CAPZA2: variants seen among roughly 807,000 people sequenced by gnomAD.
The protein encoded by CAPZA2 is capping actin protein of muscle Z-line subunit alpha 2.
A neutral mutation model predicts 44.0 loss-of-function variants in CAPZA2; 13 were observed. The observed-to-expected ratio is 0.30, with a 90% CI of 0.19 to 0.47. The LOEUF is 0.47. CAPZA2 is among the 20% of genes least tolerant of loss of function. The pLI is 1.00. For missense variants in CAPZA2, 244 were observed against 338.6 expected (o/e 0.72, Z 2.19); for synonymous variants, 94 against 108.2 (o/e 0.87, Z 0.81).
intron 1 of CAPZA2, among the ~76,000 whole-genome samples, chr7:116,887,476 C>T (rs1796777629): frequency 6.7e-6 from 1 of 148,950 alleles, no homozygotes; most frequent in Non-Finnish European, 1.5e-5. Flanking sequence ...TGCAGTGAGC[C>T]AAGATCACAC....
intron 9 of CAPZA2, among the ~76,000 whole-genome samples, chr7:116,916,482 G>A (rs1203631908): frequency 6.6e-6 from 1 of 152,212 alleles, no homozygotes; most frequent in African/African-American, 2.4e-5. Context: ...AATTAGCTGT[G>A]TGTGGTGGCA....
In CAPZA2 at chr7:116,920,170, GGGAGGT is replaced by G. The variant is rs906990811; in HGVS notation, c.*2310_*2315del. 2.6e-5 allele frequency: 4 copies of G among 151,832 alleles called. No homozygotes were observed. Among genetic ancestry groups the G allele is most frequent in the African/African-American group, 9.7e-5 (4 of 41,298 alleles). The allele number at this position is 151,832 out of a possible 1,614,324, so 9.4% of individuals were successfully genotyped here. On this transcript the variant is annotated 3_prime_UTR_variant, in exon 10 of 10. Coordinates refer to ENST00000361183, the MANE Select transcript of CAPZA2 (RefSeq NM_006136.3). ...TGAGACAGGAGAATCATTTGAACCC[GGGAGGT>G]GGAGGTTGCAGTGAGCAGAGATCGA...
chr7:116,880,490 C>G (rs1452649074), intron 1 of CAPZA2, among the ~76,000 whole-genome samples: 3 of 151,308 alleles, frequency 2.0e-5, no homozygotes, highest in Non-Finnish European at 2.9e-5. Flanking sequence ...CTCTGCCTCC[C>G]GGATTCAAGC....
chr7:116,891,933 C>A (rs962713900), intron 2 of CAPZA2, among the ~76,000 whole-genome samples: 5 of 152,116 alleles, frequency 3.3e-5, no homozygotes, highest in Non-Finnish European at 7.4e-5. Context: ...TGTAAACTTT[C>A]CAAAGTACAA....
At chr7:116,899,831 A>G (rs1796972926) in intron 4 of CAPZA2, among the ~76,000 whole-genome samples, 1 of 151,726 alleles carries the variant, frequency 6.6e-6, no homozygotes, top group African/African-American at 2.4e-5. Context: ...TGTAATTTTA[A>G]TATTAAATAT....
rs571819876 is a variant in CAPZA2 at position 116,866,809 on chromosome 7, A to G, written c.39+4159A>G. On this transcript the variant is annotated intron_variant, in intron 1 of 9. Transcript: ENST00000361183. ...AGCTGTAGCACTAACTTCTTTCCTG[A>G]TTACTGGTCAGATTTTTATCTGCTA... 1.1e-4 allele frequency among the ~76,000 whole-genome samples: 16 copies of G among 152,178 alleles called. No homozygotes were observed. The East Asian group carries it at 2.9e-3, about 28-fold the overall frequency.
At chr7:116,902,120 A>G (rs1169091913) in intron 4 of CAPZA2, among the ~76,000 whole-genome samples, 2 of 152,150 alleles carry the variant, frequency 1.3e-5, no homozygotes, top group African/African-American at 4.8e-5. Flanking sequence ...AGATATTGGC[A>G]TAACTGGTTT....
intron 1 of CAPZA2, among the ~76,000 whole-genome samples, chr7:116,879,144 A>G (rs1018945830): frequency 2.7e-5 from 4 of 150,884 alleles, no homozygotes; most frequent in Non-Finnish European, 4.4e-5. Context: ...AAAAAAAAAA[A>G]AAAAAGAAAA....
intron 1 of CAPZA2, among the ~76,000 whole-genome samples, chr7:116,880,355 A>G (rs1428114143): frequency 5.3e-5 from 8 of 152,116 alleles, no homozygotes; most frequent in Non-Finnish European, 8.8e-5. Context: ...TTTTAAGGGG[A>G]TGATGGCTCA....
chr7:116,894,130 G>A (rs149521175), intron 3 of CAPZA2, among the ~76,000 whole-genome samples: 5,098 of 152,252 alleles, frequency 0.033, 109 homozygotes, highest in Non-Finnish European at 0.052. Context: ...TTGGGAGGCC[G>A]AGGCAGGCGG....
chr7:116,892,044 C>T (rs1031691506), intron 2 of CAPZA2, among the ~76,000 whole-genome samples: 1 of 152,126 alleles, frequency 6.6e-6, no homozygotes, highest in African/African-American at 2.4e-5. Flanking sequence ...TTTAACAATA[C>T]ATAAATATGA....
chr7:116,912,799 A>G (rs1791615387), intron 8 of CAPZA2, among the ~76,000 whole-genome samples: 1 of 152,066 alleles, frequency 6.6e-6, no homozygotes, highest in Admixed American at 6.6e-5. Flanking sequence ...GTAGCTTTTT[A>G]AATTTATTTT....
rs201926723 is a variant in CAPZA2, at chr7:116,865,174, C to CTTTTTT, written c.39+2526_39+2527insTTTTTT. 1.5e-4 allele frequency among the ~76,000 whole-genome samples: 18 copies of CTTTTTT among 122,082 alleles called. 4 individuals carry two copies. The highest frequency in any genetic ancestry group is 5.0e-4 in the African/African-American group (15 of 30,000). 80.1% of individuals were successfully genotyped at this position (122,082 alleles called of 152,430 possible). On this transcript the variant is annotated intron_variant, in intron 1 of 9. Coordinates refer to ENST00000361183, the MANE Select transcript of CAPZA2 (RefSeq NM_006136.3). Reference sequence around the variant, plus strand: ...ATGTTCTTGTGACATTATGCGCTCTCTTCTTTTTTTTTTTTTTTTTTTTTT... The same window carrying CTTTTTT: ...ATGTTCTTGTGACATTATGCGCTCTCTTTTTTTTCTTTTTTTTTTTTTTTTTTTTTT...
chr7:116,865,021 G>A (rs976992657), intron 1 of CAPZA2, among the ~76,000 whole-genome samples: 1 of 152,000 alleles, frequency 6.6e-6, no homozygotes, highest in Admixed American at 6.6e-5. Flanking sequence ...TACTTAATTT[G>A]TTGTTGTAAG....
intron 5 of CAPZA2, chr7:116,904,717 A>C (rs1452283457): frequency 5.5e-6 from 1 of 181,586 alleles, no homozygotes; most frequent in Non-Finnish European, 1.1e-5. Context: ...ATTAAGTCAC[A>C]GAAATCTTAG....
chr7:116,888,471 T>A, intron 2 of CAPZA2: 1 of 273,562 alleles, frequency 3.7e-6, no homozygotes, highest in Non-Finnish European at 6.7e-6. Flanking sequence ...AGAGTCTTTT[T>A]GGTAAATGGT....
intron 1 of CAPZA2, among the ~76,000 whole-genome samples, chr7:116,876,727 C>T (rs1796626999): frequency 6.6e-6 from 1 of 152,062 alleles, no homozygotes; most frequent in Admixed American, 6.6e-5. Flanking sequence ...GGGTTCTTGC[C>T]CTGGAATTGG....
Position 116,904,234 on chromosome 7 carries a change from A to G in CAPZA2, c.277A>G (p.Arg93Gly), listed in dbSNP as rs1208628173. ...TGGAAAGTTTTTGGATCCAAAGAAC[A>G]GAATCTGTTTTAAATTTGATCACTT... ...GNGKFLDPKN[R>G]ICFKFDHLRK... The change falls in exon 5 of 10, where the codon AGA becomes GGA. Residue 93 changes from arginine to glycine, a missense_variant. Transcript: ENST00000361183. 1.1e-5 allele frequency: 17 copies of G among 1,613,920 alleles called. No individual in the cohort carries two copies. Among genetic ancestry groups the G allele is most frequent in the East Asian group, 4.5e-5 (2 of 44,874 alleles).
At chr7:116,901,999 G>A (rs1375821747) in intron 4 of CAPZA2, among the ~76,000 whole-genome samples, 1 of 151,492 alleles carries the variant, frequency 6.6e-6, no homozygotes, top group Non-Finnish European at 1.5e-5. Flanking sequence ...AGTACAAGTT[G>A]TTTTACAGCC....
Sources: allele counts gnomAD v4.1 joint callset (sites outside exome capture counted in the v4.1 genomes callset), GRCh38; gene constraint gnomAD v4.1.1; transcripts MANE v1.5; gene names NCBI Gene and HGNC (gene_info 2026-07-23, HGNC 2026-07-21).